CERKL: variants seen among roughly 807,000 people sequenced by gnomAD.
The protein encoded by CERKL is CERK like autophagy regulator, also known as ceramide kinase-like protein.
In CERKL, 61 loss-of-function variants were observed where a neutral mutation model predicts 63.4. That is an observed-to-expected ratio of 0.96 (90% CI 0.78 to 1.19). The LOEUF is 1.19. CERKL is among the 50% of genes most tolerant of loss of function. The probability of loss-of-function intolerance (pLI) is 0.00; values close to 1 mark genes in which losing one functional copy is unlikely to be tolerated. For synonymous variants in CERKL, 250 were observed against 230.5 expected (o/e 1.08, Z -0.77); for missense variants, 675 against 655.5 (o/e 1.03, Z -0.33).
At chr2:181,566,854 C>T (rs1347824539) in intron 3 of CERKL, among the ~76,000 whole-genome samples, 4 of 152,144 alleles carry the variant, frequency 2.6e-5, no homozygotes. Flanking sequence ...TTTTCCAGGG[C>T]AGCTCTGCCA....
Position 181,538,134 on chromosome 2 carries a change from CTTTATATTAAAATTCTAGT to C in CERKL, c.*31_*49del, listed in dbSNP as rs766312901. ...ACAGGTTTAAAGCATGGCCACATTTCTTTATATTAAAATTCTAGTTTGTACATTTCTTTTAGAAACAATT... is the reference window on the plus strand; with the variant it reads ...ACAGGTTTAAAGCATGGCCACATTTCTTGTACATTTCTTTTAGAAACAATT... On this transcript the variant is annotated 3_prime_UTR_variant, in exon 13 of 13. Transcript: ENST00000410087. The C allele has an allele frequency of 7.8e-7, 1 of 1,277,260 alleles. No homozygotes were observed. The highest frequency in any genetic ancestry group is 2.4e-5 in the East Asian group (1 of 41,842). The allele number at this position is 1,277,260 out of a possible 1,614,324, so 79.1% of individuals were successfully genotyped here. A position where few individuals can be genotyped will look rare whatever the true frequency, so the allele number is the denominator to read the frequency against.
intron 2 of CERKL, among the ~76,000 whole-genome samples, chr2:181,580,123 A>C (rs1249644699): frequency 2.6e-5 from 4 of 151,928 alleles, no homozygotes; most frequent in Admixed American, 2.6e-4. Flanking sequence ...CTGAGATTGC[A>C]TTAAATATAA....
intron 3 of CERKL, 64 bp from the exon 4 acceptor site, chr2:181,566,185 C>T (rs984907228): frequency 1.9e-5 from 22 of 1,182,500 alleles, no homozygotes; most frequent in Non-Finnish European, 2.8e-5. Context: ...CACTTTTTAA[C>T]TTGTTCTGGC....
rs145492409 is a variant in CERKL, at chr2:181,593,743, C to T, written c.481+10094G>A. On this transcript the variant is annotated intron_variant, in intron 2 of 12. Transcript: ENST00000410087. ...GTTTCTCATCTACAAATCCCTCAAC[C>T]TGCATAGCCCATTGATGGACTCCTT... is the stretch of plus-strand genomic sequence containing the variant. Among the ~76,000 whole-genome samples, 83 of 152,068 alleles carry T rather than the reference C, an allele frequency of 5.5e-4. 1 individual carries two copies. The East Asian group carries it at 0.015, about 27-fold the overall frequency.
intron 3 of CERKL, among the ~76,000 whole-genome samples, chr2:181,569,016 T>C (rs1407308625): frequency 6.6e-6 from 1 of 152,144 alleles, no homozygotes; most frequent in Non-Finnish European, 1.5e-5. Flanking sequence ...CCACCTGTAC[T>C]ACAATAGCCT....
At chr2:181,548,379 G>C in intron 8 of CERKL, 166 bp downstream of exon 8, 1 of 625,076 alleles carries the variant, frequency 1.6e-6, no homozygotes, top group Non-Finnish European at 2.8e-6. Context: ...AAAAGGCTGA[G>C]TGAGTAGTTG....
chr2:181,553,345 G>C (rs977503504), intron 5 of CERKL, among the ~76,000 whole-genome samples: 5 of 152,130 alleles, frequency 3.3e-5, no homozygotes, highest in African/African-American at 1.2e-4. Flanking sequence ...GATTTTGGAG[G>C]AGGCCACATA....
At chr2:181,586,519 T>A (rs1246835562) in intron 2 of CERKL, among the ~76,000 whole-genome samples, 1 of 152,180 alleles carries the variant, frequency 6.6e-6, no homozygotes, top group African/African-American at 2.4e-5. Context: ...ATCCCCCAAG[T>A]AGACAATCCA....
chr2:181,656,754 G>A lies in CERKL; in HGVS notation c.238+15C>T. On this transcript the variant is annotated intron_variant, in intron 1 of 12. Transcript: ENST00000410087. ...GCGCGGAGGGAGGCGAAGACGCTTG[G>A]GGCCGGGCACTCACCCGCCGGGCGC... The A allele has an allele frequency of 1.3e-6, 2 of 1,580,898 alleles. No homozygotes were observed. Among genetic ancestry groups the A allele is most frequent in the Non-Finnish European group, 1.7e-6 (2 of 1,164,068 alleles).
chr2:181,543,926 G>A (rs1687614899), intron 11 of CERKL, among the ~76,000 whole-genome samples: 1 of 147,798 alleles, frequency 6.8e-6, no homozygotes, highest in Non-Finnish European at 1.5e-5. Context: ...GGAGGTTGCA[G>A]TGAGCAGACA....
chr2:181,595,446 T>C (rs1559095691), intron 2 of CERKL, among the ~76,000 whole-genome samples: 1 of 152,174 alleles, frequency 6.6e-6, no homozygotes, highest in South Asian at 2.1e-4. Flanking sequence ...TCAAACAAGA[T>C]GATATGGATA....
At chr2:181,632,669 TAA>T (rs748922843) in intron 1 of CERKL, among the ~76,000 whole-genome samples, 10 of 152,192 alleles carry the variant, frequency 6.6e-5, no homozygotes, top group Non-Finnish European at 1.2e-4. Flanking sequence ...GGAAAATTGT[TAA>T]AGAGTCTTTT....
At chr2:181,561,975 G>A (rs1021059878) in intron 4 of CERKL, among the ~76,000 whole-genome samples, 10 of 151,920 alleles carry the variant, frequency 6.6e-5, no homozygotes, top group African/African-American at 2.2e-4. Flanking sequence ...CATCACACCC[G>A]GCTAATTTTT....
intron 2 of CERKL, among the ~76,000 whole-genome samples, 184 bp from the exon 3 acceptor site, chr2:181,574,068 T>A (rs1036403478): frequency 5.3e-5 from 8 of 152,160 alleles, no homozygotes; most frequent in Admixed American, 5.2e-4. Context: ...TTCCTAGCTG[T>A]GAAATAGGTA....
At chr2:181,652,752 T>G (rs1447599171) in intron 1 of CERKL, among the ~76,000 whole-genome samples, 1 of 149,670 alleles carries the variant, frequency 6.7e-6, no homozygotes, top group African/African-American at 2.4e-5. Context: ...TATAAGAAAA[T>G]TAATTCAACA....
chr2:181,651,689 G>GAATCTCTACACTGAA (rs1559125691), intron 1 of CERKL, among the ~76,000 whole-genome samples: 5 of 152,242 alleles, frequency 3.3e-5, no homozygotes, highest in Admixed American at 6.5e-5. Flanking sequence ...GCAAGAGAAA[G>GAATCTCTACACTGAA]AAGTAACGAG....
intron 4 of CERKL, among the ~76,000 whole-genome samples, chr2:181,560,302 C>A (rs1001058937): frequency 1.1e-4 from 16 of 152,128 alleles, no homozygotes; most frequent in African/African-American, 2.9e-4. Flanking sequence ...AATAACTTGA[C>A]CCTTACATAC....
At chr2:181,649,280 T>G (rs1443501075) in intron 1 of CERKL, among the ~76,000 whole-genome samples, 2 of 152,076 alleles carry the variant, frequency 1.3e-5, no homozygotes, top group Non-Finnish European at 2.9e-5. Flanking sequence ...AAAATAGACT[T>G]TAAGTCAAAA....
chr2:181,603,149 C>T (rs1047252780), intron 2 of CERKL: 2 of 258,642 alleles, frequency 7.7e-6, no homozygotes, highest in Admixed American at 4.0e-5. Flanking sequence ...TTCTCAATTA[C>T]CAGAGTATAA....
Sources: gnomAD v4.1 joint callset for allele counts (sites outside exome capture counted in the v4.1 genomes callset) on GRCh38, gnomAD v4.1.1 for gene constraint, MANE v1.5 for transcripts, NCBI Gene and HGNC (gene_info 2026-07-23, HGNC 2026-07-21) for gene names.